Variants in MARCHF1 observed in about 807,000 individuals in gnomAD.
The protein encoded by MARCHF1 is E3 ubiquitin-protein ligase MARCHF1.
In MARCHF1, 40 loss-of-function variants were observed where a neutral mutation model predicts 54.2. The observed-to-expected ratio is 0.74, with a 90% CI of 0.57 to 0.96. The LOEUF is 0.96. MARCHF1 is among the 40% of genes least tolerant of loss of function. The pLI is 0.00. For missense variants in MARCHF1, 586 were observed against 656.5 expected (o/e 0.89, Z 1.17); for synonymous variants, 236 against 236.3 (o/e 1.00, Z 0.01).
At chr4:164,243,675 G>C (rs970307862) in intron 1 of MARCHF1, among the ~76,000 whole-genome samples, 1 of 92,392 alleles carries the variant, frequency 1.1e-5, no homozygotes, top group Non-Finnish European at 2.3e-5. Context: ...ATTGGATAAA[G>C]AGTCAAGACC....
At chr4:164,135,877 G>A (rs1756390503) in intron 1 of MARCHF1, among the ~76,000 whole-genome samples, 1 of 152,184 alleles carries the variant, frequency 6.6e-6, no homozygotes, top group African/African-American at 2.4e-5. Flanking sequence ...CTCAATAAAT[G>A]AGAATGTTCA....
chr4:163,666,353 T>C (rs1743533434), intron 5 of MARCHF1, among the ~76,000 whole-genome samples: 1 of 152,176 alleles, frequency 6.6e-6, no homozygotes, highest in African/African-American at 2.4e-5. Context: ...ATTTGAGCAG[T>C]AAAAAAGTGC....
chr4:164,193,197 C>G (rs1196845034), intron 1 of MARCHF1, among the ~76,000 whole-genome samples: 1 of 152,104 alleles, frequency 6.6e-6, no homozygotes, highest in Non-Finnish European at 1.5e-5. Context: ...ACTTGACAAT[C>G]ACCGTGAATC....
intron 4 of MARCHF1, among the ~76,000 whole-genome samples, chr4:163,773,516 G>A (rs1463066810): frequency 6.6e-6 from 1 of 152,170 alleles, no homozygotes; most frequent in East Asian, 1.9e-4. Context: ...GGCAAATGCT[G>A]TGGTTACCTT....
chr4:163,939,538 C>T (rs1230789465), intron 3 of MARCHF1, among the ~76,000 whole-genome samples: 2 of 152,172 alleles, frequency 1.3e-5, no homozygotes, highest in African/African-American at 4.8e-5. Flanking sequence ...TTGAGAGGCT[C>T]ATCCACATAG....
At chr4:163,713,666 T>C (rs1441927311) in intron 4 of MARCHF1, among the ~76,000 whole-genome samples, 1 of 152,168 alleles carries the variant, frequency 6.6e-6, no homozygotes, top group Non-Finnish European at 1.5e-5. Flanking sequence ...CTTCTAAATG[T>C]AAAAAAATTA....
intron 4 of MARCHF1, among the ~76,000 whole-genome samples, chr4:163,828,418 A>G (rs12646892): frequency 0.4 from 61,048 of 151,924 alleles, 12,641 homozygotes; most frequent in East Asian, 0.55. Context: ...TTCTGTGATT[A>G]TCTTTCTTAT....
At chr4:164,056,846 T>C (rs1436231231) in intron 2 of MARCHF1, among the ~76,000 whole-genome samples, 1 of 152,172 alleles carries the variant, frequency 6.6e-6, no homozygotes, top group Non-Finnish European at 1.5e-5. Flanking sequence ...GGATCACACG[T>C]GACCCTGTAT....
chr4:163,799,469 T>A (rs1267422648), intron 4 of MARCHF1, among the ~76,000 whole-genome samples: 1 of 152,102 alleles, frequency 6.6e-6, no homozygotes, highest in Non-Finnish European at 1.5e-5. Flanking sequence ...TTAAATAAAT[T>A]TAATTTTTTG....
chr4:164,338,776 C>T (rs911535784), intron 1 of MARCHF1, among the ~76,000 whole-genome samples: 1 of 152,056 alleles, frequency 6.6e-6, no homozygotes, highest in African/African-American at 2.4e-5. Context: ...AGTTTGAGAC[C>T]AGCCTTACCA....
At chr4:164,249,402 A>G (rs1733057265) in intron 1 of MARCHF1, among the ~76,000 whole-genome samples, 1 of 152,038 alleles carries the variant, frequency 6.6e-6, no homozygotes, top group South Asian at 2.1e-4. Context: ...ATAAATAAAG[A>G]CTGAGAAATG....
intron 4 of MARCHF1, among the ~76,000 whole-genome samples, chr4:163,752,728 A>G (rs754857906): frequency 3.3e-5 from 5 of 152,188 alleles, no homozygotes; most frequent in Non-Finnish European, 5.9e-5. Flanking sequence ...CAAAGAAGAA[A>G]AATCACAAAT....
chr4:164,113,158 G>C (rs1269735867), intron 1 of MARCHF1, among the ~76,000 whole-genome samples: 1 of 151,834 alleles, frequency 6.6e-6, no homozygotes, highest in Non-Finnish European at 1.5e-5. Flanking sequence ...ATATTATGTA[G>C]TTTAATGAAA....
intron 3 of MARCHF1, among the ~76,000 whole-genome samples, chr4:163,886,332 GATAGATAGATAGATAGAT>G (rs917302771): frequency 1.4e-5 from 2 of 147,826 alleles, no homozygotes; most frequent in Non-Finnish European, 3.0e-5. Context: ...TAGATAGATA[GATAGATAGATAGATAGAT>G]ATAGATAGAT....
intron 1 of MARCHF1, among the ~76,000 whole-genome samples, chr4:164,349,007 T>C (rs1054442025): frequency 6.6e-6 from 1 of 152,060 alleles, no homozygotes; most frequent in South Asian, 2.1e-4. Context: ...CCAAAGAATC[T>C]CCTCTATCTG....
intron 7 of MARCHF1, among the ~76,000 whole-genome samples, chr4:163,587,372 G>A (rs1740443766): frequency 6.6e-6 from 1 of 152,136 alleles, no homozygotes; most frequent in Admixed American, 6.6e-5. Context: ...CAATCCAGAT[G>A]CCCATCAGTG....
At chr4:164,174,655 C>G (rs1317042625) in intron 1 of MARCHF1, among the ~76,000 whole-genome samples, 4 of 152,080 alleles carry the variant, frequency 2.6e-5, no homozygotes, top group African/African-American at 9.7e-5. Flanking sequence ...TATAGGGATT[C>G]ATTTTTTCTA....
intron 1 of MARCHF1, among the ~76,000 whole-genome samples, chr4:164,224,407 G>A (rs1227072246): frequency 1.3e-5 from 2 of 151,754 alleles, no homozygotes; most frequent in African/African-American, 4.8e-5. Context: ...GTGTGTCCTA[G>A]ATTTCTTACC....
chr4:164,104,980 CAG>C (rs542341898), intron 2 of MARCHF1, among the ~76,000 whole-genome samples: 1,747 of 53,678 alleles, frequency 0.033, 339 homozygotes, highest in African/African-American at 0.075. Context: ...AACAGACAAA[CAG>C]AGAGCCAAAT....
Sources: allele counts gnomAD v4.1 joint callset (sites outside exome capture counted in the v4.1 genomes callset), GRCh38; gene constraint gnomAD v4.1.1; transcripts MANE v1.5; gene names NCBI Gene and HGNC (gene_info 2026-07-23, HGNC 2026-07-21).